MTMR3: variants seen among roughly 807,000 people sequenced by gnomAD.
MTMR3 encodes the protein myotubularin related protein 3, also known as phosphatidylinositol-3,5-bisphosphate 3-phosphatase MTMR3.
In MTMR3, 32 loss-of-function variants were observed where a neutral mutation model predicts 132.4. The observed-to-expected ratio is 0.24, with a 90% CI of 0.18 to 0.32. The LOEUF (loss-of-function observed/expected upper bound fraction) is 0.32. Ranked by LOEUF, MTMR3 falls within the 10% of genes least tolerant of loss-of-function variation. The pLI, the probability that MTMR3 is intolerant of heterozygous loss-of-function variation, is 1.00. For synonymous variants in MTMR3, 556 were observed against 550.3 expected, an observed-to-expected ratio of 1.01 and a Z score of -0.14; for missense variants, 1,216 against 1,489.6, an observed-to-expected ratio of 0.82 and a Z score of 3.02.
intron 1 of MTMR3, among the ~76,000 whole-genome samples, chr22:29,911,953 A>G (rs573405205): frequency 6.6e-6 from 1 of 152,368 alleles, no homozygotes; most frequent in South Asian, 2.1e-4. Flanking sequence ...CTGATTAGGC[A>G]TAAATATCCT....
In MTMR3 at chr22:30,023,069, C is replaced by A. The variant is rs539613750; in HGVS notation, c.3425+372C>A. The A allele has an allele frequency of 8.5e-4, 332 of 390,690 alleles. 4 individuals are homozygous for A. The highest frequency in any genetic ancestry group is 1.6e-4 in the Non-Finnish European group (34 of 211,792). The allele number at this position is 390,690 out of a possible 1,614,324, so 24.2% of individuals were successfully genotyped here. A position where few individuals can be genotyped will look rare whatever the true frequency, so the allele number is the denominator to read the frequency against. ...ATGGGGAGGGAACTATTTTCCTATTCCTTTCCTGCTCCCTGACCCCACACT... is the reference window on the plus strand; with the variant it reads ...ATGGGGAGGGAACTATTTTCCTATTACTTTCCTGCTCCCTGACCCCACACT... On this transcript the variant is annotated intron_variant, in intron 19 of 19. Transcript: ENST00000401950.
chr22:29,944,427 T>C (rs573765388), intron 1 of MTMR3, among the ~76,000 whole-genome samples: 76 of 152,214 alleles, frequency 5.0e-4, no homozygotes, highest in Non-Finnish European at 4.6e-4. Flanking sequence ...TCACATAAAG[T>C]CATGTTTTTG....
At chr22:29,914,375 G>A (rs1468712108) in intron 1 of MTMR3, among the ~76,000 whole-genome samples, 1 of 152,026 alleles carries the variant, frequency 6.6e-6, no homozygotes, top group African/African-American at 2.4e-5. Flanking sequence ...CTTTTCATGT[G>A]CTTATTTGCC....
intron 2 of MTMR3, among the ~76,000 whole-genome samples, chr22:29,962,492 G>C (rs1300781077): frequency 6.6e-6 from 1 of 151,938 alleles, no homozygotes; most frequent in African/African-American, 2.4e-5. Flanking sequence ...CATGGTGTGA[G>C]CCTCCCCTTT....
At chr22:29,904,795 A>G (rs906659880) in intron 1 of MTMR3, among the ~76,000 whole-genome samples, 8 of 146,458 alleles carry the variant, frequency 5.5e-5, no homozygotes, top group Admixed American at 1.4e-4. Flanking sequence ...AAGATGGACA[A>G]TGTTCAGAGG....
chr22:29,905,170 G>A (rs542063408), intron 1 of MTMR3, among the ~76,000 whole-genome samples: 1 of 152,042 alleles, frequency 6.6e-6, no homozygotes, highest in South Asian at 2.1e-4. Flanking sequence ...TGGGGGATGG[G>A]TTCCAGGACC....
chr22:29,916,663 G>T (rs2065314448), intron 1 of MTMR3, among the ~76,000 whole-genome samples: 1 of 152,122 alleles, frequency 6.6e-6, no homozygotes. Flanking sequence ...CTCCATCATG[G>T]TAAGACTAAT....
chr22:29,982,924 T>C (rs1421727661), intron 5 of MTMR3: 1 of 149,084 alleles, frequency 6.7e-6, no homozygotes, highest in Non-Finnish European at 1.5e-5. Context: ...TTCATGAACG[T>C]TTAAAAGTTT....
At chr22:29,916,286 A>T (rs937309212) in intron 1 of MTMR3, among the ~76,000 whole-genome samples, 9 of 152,158 alleles carry the variant, frequency 5.9e-5, no homozygotes, top group Middle Eastern at 3.2e-3. Context: ...ATAGTTCCCA[A>T]GTAGTTGCTT....
In MTMR3 at chr22:30,020,497, C is replaced by T. The variant is rs61737778; in HGVS notation, c.2838C>T (p.Ser946=). 59 of 1,614,186 alleles carry T rather than the reference C, an allele frequency of 3.7e-5. No individual in the cohort carries two copies. The African/African-American group carries it at 7.5e-4, about 20-fold the overall frequency. The part of the protein sequence containing the change: ...NRASEQPPGL[S]TLQMYPTPNG... ...CCTCAGAGCAGCCCCCAGGTCTTAGCACCCTCCAGATGTACCCCACACCCA... is the reference window on the plus strand; with the variant it reads ...CCTCAGAGCAGCCCCCAGGTCTTAGTACCCTCCAGATGTACCCCACACCCA... The change falls in exon 17 of 20, where the codon AGC becomes AGT. Residue 946 remains serine, a synonymous_variant. Transcript: ENST00000401950.
chr22:29,938,447 T>G (rs1032002018), intron 1 of MTMR3, among the ~76,000 whole-genome samples: 1 of 152,234 alleles, frequency 6.6e-6, no homozygotes, highest in South Asian at 2.1e-4. Flanking sequence ...GAGGGAGAGG[T>G]CTCACTGCTC....
rs778061294 is a variant in MTMR3 at position 30,022,005 on chromosome 22, T to TC, written c.3226-23dup. On this transcript the variant is annotated intron_variant, in intron 17 of 19. Transcript: ENST00000401950. The stretch of plus-strand genomic sequence containing the variant: ...TGGGAGGAGACCAGGTTCATTCTGT[T>TC]CAGCTGTGTTTGTTTGCCAACAGAC... 11 of 1,571,154 alleles carry TC rather than the reference T, an allele frequency of 7.0e-6. No individual in the cohort carries two copies. In the South Asian group the frequency reaches 1.2e-4, roughly 17 times the overall value.
intron 1 of MTMR3, among the ~76,000 whole-genome samples, chr22:29,922,317 C>T (rs1444862003): frequency 6.6e-6 from 1 of 152,102 alleles, no homozygotes; most frequent in Non-Finnish European, 1.5e-5. Flanking sequence ...CCACGCCCGG[C>T]CTGTATCATG....
Position 30,020,744 on chromosome 22 carries a change from C to T in MTMR3, c.3085C>T (p.Gln1029Ter). ...GTCAGTGTACACAGACACGATCCAA[C>T]AGCGCCTGCGTCAGATTGAGTCAGG... is the stretch of plus-strand genomic sequence containing the variant. Reference protein sequence around the residue: ...GMSVYTDTIQQRLRQIESGHQ... With the variant: ...GMSVYTDTIQ The change falls in exon 17 of 20, where the codon CAG becomes TAG. Residue 1029 changes from glutamine to a stop codon, truncating the protein, a stop_gained. Transcript: ENST00000401950. LOFTEE classifies it high-confidence loss of function. The T allele has an allele frequency of 6.2e-7, 1 of 1,614,258 alleles. No homozygotes were observed. The highest frequency in any genetic ancestry group is 8.5e-7 in the Non-Finnish European group (1 of 1,180,056).
At chr22:30,024,635 G>C (rs1199948967) in intron 19 of MTMR3, 1 of 152,208 alleles carries the variant, frequency 6.6e-6, no homozygotes, top group Non-Finnish European at 1.5e-5. Context: ...TAAATGAAAA[G>C]TTAGAAGGCT....
intron 1 of MTMR3, among the ~76,000 whole-genome samples, chr22:29,911,037 G>T (rs898632831): frequency 6.6e-6 from 1 of 152,158 alleles, no homozygotes; most frequent in Non-Finnish European, 1.5e-5. Flanking sequence ...AACATGCACT[G>T]GATTTCTTGT....
Position 30,026,074 on chromosome 22 carries a change from A to C in MTMR3, c.*273A>C. On this transcript the variant is annotated 3_prime_UTR_variant, in exon 20 of 20. Coordinates refer to ENST00000401950, the MANE Select transcript of MTMR3 (RefSeq NM_021090.4). ...TTTTTTTTTTTTTTGATGGAAGACCAAGGGTTGCCAGGCCCACTGTAACTG... is the reference window on the plus strand; with the variant it reads ...TTTTTTTTTTTTTTGATGGAAGACCCAGGGTTGCCAGGCCCACTGTAACTG... 2.9e-6 allele frequency: 1 copy of C among 344,348 alleles called. No individual in the cohort carries two copies. The highest frequency in any genetic ancestry group is 5.1e-5 in the East Asian group (1 of 19,602). The allele number at this position is 344,348 out of a possible 1,614,324, so 21.3% of individuals were successfully genotyped here. A position where few individuals can be genotyped will look rare whatever the true frequency, so the allele number is the denominator to read the frequency against.
chr22:30,028,231 C>T lies in MTMR3; in HGVS notation c.*2430C>T, dbSNP rs1171815926. On this transcript the variant is annotated 3_prime_UTR_variant, in exon 20 of 20. Transcript: ENST00000401950. ...TTTCAGGGCAGCCAGTACTCTGGCC[C>T]CTTCAGTCGGGGAGTGGAAGGAGAT... The T allele has an allele frequency of 6.6e-6, 1 of 152,422 alleles. No homozygotes were observed. Among genetic ancestry groups the T allele is most frequent in the African/African-American group, 2.4e-5 (1 of 41,454 alleles). The allele number at this position is 152,422 out of a possible 1,614,324, so 9.4% of individuals were successfully genotyped here. A position where few individuals can be genotyped will look rare whatever the true frequency, so the allele number is the denominator to read the frequency against.
intron 19 of MTMR3, chr22:30,024,641 A>C (rs2067861245): frequency 6.6e-6 from 1 of 152,226 alleles, no homozygotes; most frequent in Non-Finnish European, 1.5e-5. Flanking sequence ...AAAAGTTAGA[A>C]GGCTAAGAAG....
Sources: gnomAD v4.1 joint callset for allele counts (sites outside exome capture counted in the v4.1 genomes callset) on GRCh38, gnomAD v4.1.1 for gene constraint, MANE v1.5 for transcripts, NCBI Gene and HGNC (gene_info 2026-07-23, HGNC 2026-07-21) for gene names.